Variants in RIC1 observed in about 807,000 individuals in gnomAD.
The protein encoded by RIC1 is guanine nucleotide exchange factor subunit RIC1.
RIC1 carries 88 observed loss-of-function variants against 169.0 expected under a neutral mutation model. That is an observed-to-expected ratio of 0.52 (90% CI 0.44 to 0.62). The LOEUF (loss-of-function observed/expected upper bound fraction) is 0.62. Ranked by LOEUF, RIC1 falls within the 20% of genes least tolerant of loss-of-function variation. The pLI is 0.00. For synonymous variants in RIC1, 790 were observed against 601.5 expected, an observed-to-expected ratio of 1.31 and a Z score of -4.59; for missense variants, 1,877 against 1,725.5, an observed-to-expected ratio of 1.09 and a Z score of -1.56.
At chr9:5,629,922 G>C (rs1817637723) in intron 1 of RIC1, among the ~76,000 whole-genome samples, 1 of 152,226 alleles carries the variant, frequency 6.6e-6, no homozygotes, top group Non-Finnish European at 1.5e-5. Context: ...TTACAGGCCT[G>C]TAATAACTTA....
intron 3 of RIC1, among the ~76,000 whole-genome samples, chr9:5,709,898 A>G (rs926381109): frequency 6.6e-6 from 1 of 152,188 alleles, no homozygotes; most frequent in African/African-American, 2.4e-5. Flanking sequence ...TTCTTGTAAT[A>G]CTTTAGTTGT....
At chr9:5,702,631 C>T (rs538931559) in intron 3 of RIC1, among the ~76,000 whole-genome samples, 14 of 152,236 alleles carry the variant, frequency 9.2e-5, no homozygotes, top group South Asian at 2.1e-4. Flanking sequence ...CTCCGCCTCC[C>T]GGGTTGAAGC....
At chr9:5,722,756 G>A (rs917412555) in intron 6 of RIC1, among the ~76,000 whole-genome samples, 3 of 151,718 alleles carry the variant, frequency 2.0e-5, no homozygotes, top group African/African-American at 7.3e-5. Flanking sequence ...CCCACCTTGT[G>A]TCCAAGTGTT....
chr9:5,726,100 G>C (rs1163044135), intron 6 of RIC1, among the ~76,000 whole-genome samples: 1 of 152,096 alleles, frequency 6.6e-6, no homozygotes, highest in Non-Finnish European at 1.5e-5. Context: ...TCAATTCCTG[G>C]ATACCCTTGT....
intron 2 of RIC1, among the ~76,000 whole-genome samples, chr9:5,675,700 G>A (rs913376977): frequency 6.6e-6 from 1 of 150,452 alleles, no homozygotes; most frequent in Non-Finnish European, 1.5e-5. Context: ...GAATTTTAGG[G>A]GGGAAAAATG....
intron 6 of RIC1, among the ~76,000 whole-genome samples, chr9:5,727,400 GGTC>G (rs1563930546): frequency 2.0e-5 from 3 of 152,082 alleles, no homozygotes; most frequent in African/African-American, 7.2e-5. Context: ...CGTCATTTTA[GGTC>G]CTTGCTACGC....
At chr9:5,659,540 T>C (rs976840160) in intron 2 of RIC1, among the ~76,000 whole-genome samples, 3 of 152,208 alleles carry the variant, frequency 2.0e-5, no homozygotes, top group African/African-American at 7.2e-5. Flanking sequence ...CTGTTTGAAC[T>C]GGTTTTCTAT....
At chr9:5,692,207 G>T (rs1326689750) in intron 3 of RIC1, among the ~76,000 whole-genome samples, 2 of 152,070 alleles carry the variant, frequency 1.3e-5, no homozygotes, top group African/African-American at 4.8e-5. Flanking sequence ...AGGCTTTGGT[G>T]TCAGATAGAC....
intron 2 of RIC1, among the ~76,000 whole-genome samples, chr9:5,660,667 G>A (rs1237526404): frequency 6.6e-6 from 1 of 151,318 alleles, no homozygotes; most frequent in Non-Finnish European, 1.5e-5. Flanking sequence ...AGAAGTGTCT[G>A]TTCATGTCCT....
intron 2 of RIC1, among the ~76,000 whole-genome samples, chr9:5,679,328 T>G (rs1586931584): frequency 1.3e-5 from 2 of 152,272 alleles, no homozygotes; most frequent in African/African-American, 4.8e-5. Context: ...TGCAGGCTCT[T>G]TTTTGGTTCC....
chr9:5,674,917 A>G (rs1820352725), intron 2 of RIC1, among the ~76,000 whole-genome samples: 1 of 152,246 alleles, frequency 6.6e-6, no homozygotes, highest in Non-Finnish European at 1.5e-5. Context: ...GACCTGTCTC[A>G]GATACTTCTT....
intron 3 of RIC1, chr9:5,713,364 T>A (rs899875257): frequency 2.0e-5 from 3 of 152,392 alleles, no homozygotes; most frequent in Non-Finnish European, 4.4e-5. Flanking sequence ...TTTAAAATTT[T>A]AGGTATTTAG....
intron 1 of RIC1, among the ~76,000 whole-genome samples, chr9:5,651,481 C>A (rs961177983): frequency 6.6e-6 from 1 of 151,292 alleles, no homozygotes; most frequent in African/African-American, 2.4e-5. Context: ...TTGCTCAGAC[C>A]AATATAATGA....
At position 5,776,341 on chromosome 9, in the gene RIC1, C is replaced by G. The variant is rs1321839240; in HGVS notation, c.*2095C>G. 6.6e-6 allele frequency: 1 copy of G among 152,086 alleles called. No homozygotes were observed. The highest frequency in any genetic ancestry group is 6.6e-5 in the Admixed American group (1 of 15,266). 9.4% of individuals were successfully genotyped at this position (152,086 alleles called of 1,614,324 possible). A position where few individuals can be genotyped will look rare whatever the true frequency, so the allele number is the denominator to read the frequency against. On this transcript the variant is annotated 3_prime_UTR_variant, in exon 26 of 26. Coordinates refer to ENST00000414202, the MANE Select transcript of RIC1 (RefSeq NM_020829.4). ...TTGTGGTGTTTGGTTCACATATCAA[C>G]TGTTTAAGCCATAATTTTAGCCAAT...
intron 5 of RIC1, 53 bp downstream of exon 5, chr9:5,720,377 A>G: frequency 2.7e-5 from 42 of 1,530,444 alleles, no homozygotes; most frequent in Non-Finnish European, 3.3e-5. Flanking sequence ...TTTGATGTCT[A>G]GTTAGGTATC....
rs146935296 is a variant in RIC1 at position 5,729,083 on chromosome 9, A to G, written c.721-3305A>G. ...GGAAAAGAGTCCTGCAGTCCTTTCT[A>G]GAGGATATATACTTGGCTACCCCAG... On this transcript the variant is annotated intron_variant, in intron 6 of 25. Transcript: ENST00000414202. Among the ~76,000 whole-genome samples, 987 of 152,114 alleles carry G rather than the reference A, an allele frequency of 6.5e-3. 9 individuals are homozygous for G. The highest frequency in any genetic ancestry group is 8.7e-3 in the Non-Finnish European group (592 of 67,996).
intron 1 of RIC1, among the ~76,000 whole-genome samples, chr9:5,638,372 G>C (rs921010874): frequency 6.6e-6 from 1 of 152,184 alleles, no homozygotes; most frequent in African/African-American, 2.4e-5. Flanking sequence ...AATGAGTTTA[G>C]AAGTACTCCC....
intron 1 of RIC1, among the ~76,000 whole-genome samples, chr9:5,643,305 C>T (rs1818341001): frequency 6.6e-6 from 1 of 152,046 alleles, no homozygotes; most frequent in African/African-American, 2.4e-5. Flanking sequence ...GCTTTTTCTT[C>T]TATGGCTTTC....
chr9:5,772,619 G>A lies in RIC1; in HGVS notation c.3672G>A (p.Val1224=), dbSNP rs922857267. 1.2e-6 allele frequency: 2 copies of A among 1,613,786 alleles called. No individual in the cohort carries two copies. The highest frequency in any genetic ancestry group is 1.3e-5 in the African/African-American group (1 of 74,910). The change falls in exon 24 of 26, where the codon GTG becomes GTA. Residue 1224 remains valine (V), a synonymous_variant. Transcript: ENST00000414202. ...ACTTGACTGAAAGTAGCTCCATGGT[G>A]GATGGCGACTGGACAATGGTGGATG... ...ATDLTESSSM[V]DGDWTMVDEN... is the part of the protein sequence containing the mutation.
Sources: gnomAD v4.1 joint callset for allele counts (sites outside exome capture counted in the v4.1 genomes callset) on GRCh38, gnomAD v4.1.1 for gene constraint, MANE v1.5 for transcripts, NCBI Gene and HGNC (gene_info 2026-07-23, HGNC 2026-07-21) for gene names.